LINC00305: variants seen among roughly 807,000 people sequenced by gnomAD.
LINC00305 encodes the protein long intergenic non-protein coding RNA 305.
chr18:64,143,760 CACATATTATGCGTACATGTATGT>C (rs2051482207), intron 1 of LINC00305, among the ~76,000 whole-genome samples: 1 of 102,242 alleles, frequency 9.8e-6, no homozygotes, highest in African/African-American at 3.4e-5. Flanking sequence ...CATGTATGTA[CACATATTATGCGTACATGTATGT>C]ACACATATTA....
chr18:64,143,785 CACATATTATGCGTACATGTATGTAT>C (rs1568120366), intron 1 of LINC00305, among the ~76,000 whole-genome samples: 6 of 84,694 alleles, frequency 7.1e-5, no homozygotes, highest in Non-Finnish European at 1.2e-4. Context: ...CATGTATGTA[CACATATTATGCGTACATGTATGTAT>C]ACATATATAC....
At chr18:64,142,319 G>T (rs2051467614) in intron 1 of LINC00305, among the ~76,000 whole-genome samples, 1 of 152,210 alleles carries the variant, frequency 6.6e-6, no homozygotes, top group African/African-American at 2.4e-5. Flanking sequence ...CCTGGAGAGG[G>T]ATAGATAGAT....
chr18:64,084,027 T>C (rs1353082856), intron 3 of LINC00305, among the ~76,000 whole-genome samples: 1 of 152,168 alleles, frequency 6.6e-6, no homozygotes, highest in African/African-American at 2.4e-5. Flanking sequence ...TGAAGCTCCA[T>C]GGTTTGCATG....
chr18:64,082,694 T>G (rs2051189722), intron 3 of LINC00305, among the ~76,000 whole-genome samples: 1 of 152,224 alleles, frequency 6.6e-6, no homozygotes, highest in Admixed American at 6.5e-5. Flanking sequence ...CTCTTTCACC[T>G]GCACACTAAC....
At chr18:64,145,994 A>T (rs890231507) in intron 1 of LINC00305, among the ~76,000 whole-genome samples, 2 of 152,184 alleles carry the variant, frequency 1.3e-5, no homozygotes, top group African/African-American at 4.8e-5. Flanking sequence ...CTTATTAGTC[A>T]TTCCAAAAAG....
At chr18:64,116,417 C>T (rs565686031) in intron 1 of LINC00305, among the ~76,000 whole-genome samples, 2 of 152,222 alleles carry the variant, frequency 1.3e-5, no homozygotes, top group East Asian at 3.9e-4. Flanking sequence ...AACTATACTC[C>T]TATATAAACA....
At chr18:64,143,466 T>G (rs979419622) in intron 1 of LINC00305, among the ~76,000 whole-genome samples, 2 of 131,282 alleles carry the variant, frequency 1.5e-5, no homozygotes, top group African/African-American at 6.4e-5. Context: ...TGGCCTAGTA[T>G]CTGAAAAGCA....
chr18:64,141,803 C>T (rs1213760769), intron 1 of LINC00305, among the ~76,000 whole-genome samples: 1 of 152,178 alleles, frequency 6.6e-6, no homozygotes, highest in African/African-American at 2.4e-5. Flanking sequence ...GTATGATACT[C>T]ACGCATATGA....
In LINC00305 at chr18:64,143,566, A is replaced by ATGTACATATG. The variant is rs1555669418; in HGVS notation, n.314+5208_314+5209insCATATGTACA. Among the ~76,000 whole-genome samples, 152 of 35,362 alleles carry ATGTACATATG rather than the reference A, an allele frequency of 4.3e-3. 9 individuals are homozygous for ATGTACATATG. Among genetic ancestry groups the ATGTACATATG allele is most frequent in the African/African-American group, 0.015 (142 of 9,464 alleles). The allele number at this position is 35,362 out of a possible 152,430, so 23.2% of individuals were successfully genotyped here. A position where few individuals can be genotyped will look rare whatever the true frequency, so the allele number is the denominator to read the frequency against. ...ATGTACACATATTATGTGTACATAT[A>ATGTACATATG]TACACATATGTATATGTACATATGT... On this transcript the variant is annotated intron_variant and non_coding_transcript_variant, in intron 1 of 3. Transcript: ENST00000666468.
intron 1 of LINC00305, among the ~76,000 whole-genome samples, chr18:64,129,445 G>A (rs986436627): frequency 6.6e-6 from 1 of 152,038 alleles, no homozygotes; most frequent in African/African-American, 2.4e-5. Context: ...TGTGCTAAGG[G>A]CCTTGGGTAC....
At chr18:64,083,881 T>C (rs1220764050) in intron 3 of LINC00305, among the ~76,000 whole-genome samples, 1 of 152,212 alleles carries the variant, frequency 6.6e-6, no homozygotes, top group Non-Finnish European at 1.5e-5. Context: ...CTGACTCGAA[T>C]GTCATTACCT....
At chr18:64,096,945 A>T (rs554541017) in intron 3 of LINC00305, among the ~76,000 whole-genome samples, 1 of 152,042 alleles carries the variant, frequency 6.6e-6, no homozygotes, top group African/African-American at 2.4e-5. Flanking sequence ...TAATATTTTT[A>T]TATAACTATA....
intron 1 of LINC00305, among the ~76,000 whole-genome samples, chr18:64,115,137 A>G (rs1192395782): frequency 6.6e-6 from 1 of 152,200 alleles, no homozygotes; most frequent in Non-Finnish European, 1.5e-5. Context: ...GACTACACTC[A>G]TCTCCGCCTT....
chr18:64,113,064 G>C (rs2051322089), intron 1 of LINC00305, among the ~76,000 whole-genome samples: 2 of 152,194 alleles, frequency 1.3e-5, no homozygotes, highest in Admixed American at 1.3e-4. Flanking sequence ...ATATTGCAGA[G>C]TTTGCATTCA....
chr18:64,143,091 G>C (rs546208655), intron 1 of LINC00305, among the ~76,000 whole-genome samples: 199 of 152,290 alleles, frequency 1.3e-3, no homozygotes, highest in African/African-American at 4.6e-3. Context: ...AAAGATGTAA[G>C]AGTAAACAGT....
intron 1 of LINC00305, among the ~76,000 whole-genome samples, chr18:64,132,427 C>T (rs906306026): frequency 5.9e-5 from 9 of 152,198 alleles, no homozygotes; most frequent in African/African-American, 2.2e-4. Flanking sequence ...ATTATTTGCA[C>T]ATATTCAATA....
chr18:64,136,941 A>T (rs2051437463), intron 1 of LINC00305, among the ~76,000 whole-genome samples: 1 of 152,070 alleles, frequency 6.6e-6, no homozygotes. Context: ...TGCTCACTTG[A>T]TTTGCCATTG....
chr18:64,093,033 C>T (rs957635902), intron 3 of LINC00305, among the ~76,000 whole-genome samples: 1 of 152,056 alleles, frequency 6.6e-6, no homozygotes, highest in Non-Finnish European at 1.5e-5. Flanking sequence ...GAGGACAGCC[C>T]GAGGCACCAA....
chr18:64,109,899 A>T (rs1201337675), intron 1 of LINC00305, among the ~76,000 whole-genome samples: 6 of 152,222 alleles, frequency 3.9e-5, no homozygotes, highest in Non-Finnish European at 7.3e-5. Flanking sequence ...TGTGGGCCGC[A>T]CGTGGCCCAG....
Sources: gnomAD v4.1 joint callset for allele counts (sites outside exome capture counted in the v4.1 genomes callset) on GRCh38, gnomAD v4.1.1 for gene constraint, MANE v1.5 for transcripts, NCBI Gene and HGNC (gene_info 2026-07-23, HGNC 2026-07-21) for gene names.